RHEX: variants seen among roughly 807,000 people sequenced by gnomAD.
The protein encoded by RHEX is regulator of hemoglobinization and erythroid cell expansion.
In RHEX, 18 loss-of-function variants were observed where a neutral mutation model predicts 20.1. The observed-to-expected ratio is 0.90, with a 90% CI of 0.62 to 1.33. The LOEUF (loss-of-function observed/expected upper bound fraction) is 1.33. RHEX is among the 40% of genes most tolerant of loss of function. RHEX has a pLI of 0.00. For missense variants in RHEX, 192 were observed against 214.3 expected, an observed-to-expected ratio of 0.90 and a Z score of 0.65; for synonymous variants, 87 against 77.1, an observed-to-expected ratio of 1.13 and a Z score of -0.67.
At chr1:206,073,390 T>A (rs1662570704) in intron 1 of RHEX, among the ~76,000 whole-genome samples, 1 of 152,220 alleles carries the variant, frequency 6.6e-6, no homozygotes, top group Non-Finnish European at 1.5e-5. Flanking sequence ...AACACTTGTA[T>A]AGTCTTTAAG....
chr1:206,072,829 CTTT>C (rs71152466), intron 1 of RHEX, among the ~76,000 whole-genome samples: 20 of 121,620 alleles, frequency 1.6e-4, no homozygotes, highest in African/African-American at 4.2e-4. Context: ...CCTCCTGTGT[CTTT>C]TTTTTTTTTT....
chr1:206,102,144 C>A lies in RHEX; in HGVS notation c.*192C>A. 1 of 606,418 alleles carries A rather than the reference C, an allele frequency of 1.6e-6. No individual in the cohort carries two copies. The highest frequency in any genetic ancestry group is 2.9e-6 in the Non-Finnish European group (1 of 343,524). The allele number at this position is 606,418 out of a possible 1,614,324, so 37.6% of individuals were successfully genotyped here. On this transcript the variant is annotated 3_prime_UTR_variant, in exon 6 of 6. Coordinates refer to ENST00000331555, the MANE Select transcript of RHEX (RefSeq NM_001007544.4). ...GACCCATGGACTCCTGGTCTGTACC[C>A]AAAAAAGCTGTTCGTTCCTCAAAAA...
intron 1 of RHEX, chr1:206,083,582 G>A (rs375785562): frequency 4.1e-6 from 4 of 985,344 alleles, no homozygotes; most frequent in South Asian, 4.7e-5. Flanking sequence ...GAGAAGGGTC[G>A]GGGAGATATT....
chr1:206,070,574 C>A (rs1379683131), intron 1 of RHEX, among the ~76,000 whole-genome samples: 1 of 152,200 alleles, frequency 6.6e-6, no homozygotes, highest in Non-Finnish European at 1.5e-5. Context: ...ATGAGGCTCA[C>A]TTGCTCTCTT....
intron 1 of RHEX, among the ~76,000 whole-genome samples, chr1:206,062,820 T>C (rs556248915): frequency 3.9e-5 from 6 of 152,262 alleles, no homozygotes; most frequent in South Asian, 2.1e-4. Flanking sequence ...AACTTTACAA[T>C]TGATTTACTC....
rs980498866 is a variant in RHEX, at chr1:206,090,206, T to C, written c.-96-7527T>C. Among the ~76,000 whole-genome samples the C allele has an allele frequency of 3.3e-3, 479 of 144,018 alleles. 3 individuals carry two copies. Among genetic ancestry groups the C allele is most frequent in the Middle Eastern group, 0.01 (3 of 286 alleles). 94.5% of individuals were successfully genotyped at this position (144,018 alleles called of 152,430 possible). A position where few individuals can be genotyped will look rare whatever the true frequency, so the allele number is the denominator to read the frequency against. On this transcript the variant is annotated intron_variant, in intron 1 of 5. Coordinates refer to ENST00000331555, the MANE Select transcript of RHEX (RefSeq NM_001007544.4). ...ACAATTCCTTTTCTTTTCTTTCTTTTTTTTTTTTTTTTTTTTTTGAGACAG... is the reference window on the plus strand; with the variant it reads ...ACAATTCCTTTTCTTTTCTTTCTTTCTTTTTTTTTTTTTTTTTTGAGACAG...
rs1553288328 is a variant in RHEX, at chr1:206,101,155, A to G, written c.276A>G (p.Ser92=). 2 of 1,613,042 alleles carry G rather than the reference A, an allele frequency of 1.2e-6. No homozygotes were observed. Among genetic ancestry groups the G allele is most frequent in the African/African-American group, 2.7e-5 (2 of 74,838 alleles). The stretch of plus-strand genomic sequence containing the variant: ...CCCCAGATGACAGCGACACACCCTC[A>G]GATAGCTTGGATAGCTCCTGCAGTT... ...SLYRHDSDTP[S]DSLDSSCSSP... The change falls in exon 5 of 6, where the codon TCA becomes TCG. Residue 92 remains serine, a synonymous_variant. Coordinates refer to ENST00000331555, the MANE Select transcript of RHEX (RefSeq NM_001007544.4).
At chr1:206,062,608 A>T (rs1553283439) in intron 1 of RHEX, among the ~76,000 whole-genome samples, 2 of 152,190 alleles carry the variant, frequency 1.3e-5, no homozygotes, top group Non-Finnish European at 2.9e-5. Context: ...CAACTGCTGG[A>T]CAATATGCCA....
At chr1:206,083,549 C>T in intron 1 of RHEX, 1 of 985,376 alleles carries the variant, frequency 1.0e-6, no homozygotes, top group Non-Finnish European at 1.2e-6. Context: ...TCCAGTGACA[C>T]AGAAGCTTCT....
At chr1:206,093,061 C>T (rs1015334033) in intron 1 of RHEX, among the ~76,000 whole-genome samples, 2 of 152,164 alleles carry the variant, frequency 1.3e-5, no homozygotes, top group African/African-American at 4.8e-5. Flanking sequence ...TAGCAAGTGA[C>T]AGAGCCAGGA....
intron 1 of RHEX, among the ~76,000 whole-genome samples, chr1:206,080,524 AG>A (rs1662714678): frequency 1.3e-5 from 2 of 152,176 alleles, no homozygotes; most frequent in Admixed American, 6.5e-5. Flanking sequence ...GGGGTGGGGT[AG>A]GAGGTGAAAG....
intron 1 of RHEX, among the ~76,000 whole-genome samples, chr1:206,071,258 T>G (rs1662523095): frequency 6.6e-6 from 1 of 152,176 alleles, no homozygotes; most frequent in African/African-American, 2.4e-5. Context: ...GAGAGAAAGA[T>G]GAAGGCCGGA....
rs115790383 is a variant in RHEX at position 206,089,444 on chromosome 1, T to A, written c.-96-8289T>A. ...AGATTTCTTTCTCCAGATGAGTTCT[T>A]CCTAAATGTAATTTTAAACGGCCAT... On this transcript the variant is annotated intron_variant, in intron 1 of 5. Transcript: ENST00000331555. 3.8e-3 allele frequency among the ~76,000 whole-genome samples: 584 copies of A among 152,340 alleles called. 6 individuals are homozygous for A. Among genetic ancestry groups the A allele is most frequent in the African/African-American group, 0.013 (540 of 41,574 alleles).
rs1212775233 is a variant in RHEX at position 206,067,501 on chromosome 1, TAGA to T, written c.-97+14244_-97+14246del. ...AATGATGAATAAGCAAAGGGTAATG[TAGA>T]AGAAGAAATTTTCATTTAAAACCAA... On this transcript the variant is annotated intron_variant, in intron 1 of 5. Transcript: ENST00000331555. The surrounding 1 kb of genome is among the most constrained non-coding windows in gnomAD (Gnocchi z 4.6). Among the ~76,000 whole-genome samples, 2 of 152,222 alleles carry T rather than the reference TAGA, an allele frequency of 1.3e-5. No individual in the cohort carries two copies. The highest frequency in any genetic ancestry group is 2.9e-5 in the Non-Finnish European group (2 of 68,032).
chr1:206,064,395 G>C (rs1448280389), intron 1 of RHEX, among the ~76,000 whole-genome samples: 1 of 129,716 alleles, frequency 7.7e-6, no homozygotes, highest in Non-Finnish European at 1.6e-5. Flanking sequence ...AGGTGGGGGG[G>C]TCAGCCCCCC....
At chr1:206,055,301 G>A (rs1411331044) in intron 1 of RHEX, among the ~76,000 whole-genome samples, 15 of 152,268 alleles carry the variant, frequency 9.9e-5, no homozygotes, top group South Asian at 2.1e-4. Context: ...GATGCAGTGA[G>A]CTTAAGAATT....
chr1:206,091,149 C>T (rs1333559514), intron 1 of RHEX, among the ~76,000 whole-genome samples: 1 of 152,048 alleles, frequency 6.6e-6, no homozygotes, highest in Non-Finnish European at 1.5e-5. Context: ...TAGTTTTGTC[C>T]TCTGTTAATT....
intron 1 of RHEX, among the ~76,000 whole-genome samples, chr1:206,065,640 A>G (rs1662407767): frequency 6.6e-6 from 1 of 152,156 alleles, no homozygotes; most frequent in African/African-American, 2.4e-5. Flanking sequence ...TGGGCATGAT[A>G]GTTAGAGGTG....
intron 1 of RHEX, among the ~76,000 whole-genome samples, chr1:206,064,313 A>T (rs568619100): frequency 4.6e-5 from 4 of 87,086 alleles, no homozygotes; most frequent in East Asian, 3.8e-4. Flanking sequence ...AGGTGAGGGG[A>T]ACCTCTGCCC....
Sources: allele counts gnomAD v4.1 joint callset (sites outside exome capture counted in the v4.1 genomes callset), GRCh38; gene constraint gnomAD v4.1.1; non-coding constraint Gnocchi (gnomAD v3.1); transcripts MANE v1.5; gene names NCBI Gene and HGNC (gene_info 2026-07-23, HGNC 2026-07-21).